The following ALDH16A1 variants were observed in gnomAD, a reference collection of about 807,000 sequenced individuals.
The protein encoded by ALDH16A1 is aldehyde dehydrogenase family 16 member A1.
A neutral mutation model predicts 96.1 loss-of-function variants in ALDH16A1; 88 were observed. The ratio of observed to expected loss-of-function variants is 0.92; its 90% confidence interval spans 0.77 to 1.09. The LOEUF (loss-of-function observed/expected upper bound fraction) is 1.09, where lower values mean the gene tolerates loss of function less well. Ranked by LOEUF, ALDH16A1 falls within the 50% of genes least tolerant of loss-of-function variation. The probability of loss-of-function intolerance (pLI) is 0.00; values close to 1 mark genes in which losing one functional copy is unlikely to be tolerated. For missense variants in ALDH16A1, 1,250 were observed against 1,112.6 expected (o/e 1.12, Z -1.76); for synonymous variants, 522 against 496.4 (o/e 1.05, Z -0.69).
At position 49,459,794 on chromosome 19, in the gene ALDH16A1, C is replaced by G. The variant is rs771193598; in HGVS notation, c.445C>G (p.His149Asp). The G allele has an allele frequency of 6.2e-7, 1 of 1,613,512 alleles. No individual in the cohort carries two copies. Among genetic ancestry groups the G allele is most frequent in the Non-Finnish European group, 8.5e-7 (1 of 1,179,924 alleles). ...VQLAQQLLHY[H>D]AIQASTQEEA... ...GCTGGCCCAGCAGCTGCTCCACTAC[C>G]ATGCAATCCAGGCATCCACCCAGGA... The change falls in exon 4 of 17, where the codon CAT becomes GAT. Residue 149 changes from histidine to aspartate, a missense_variant. Coordinates refer to ENST00000293350, the MANE Select transcript of ALDH16A1 (RefSeq NM_153329.4). The surrounding 1 kb of genome is among the most constrained non-coding windows in gnomAD (Gnocchi z 4.1).
intron 1 of ALDH16A1, among the ~76,000 whole-genome samples, chr19:49,457,551 CAAAA>C (rs56211125): frequency 1.5e-5 from 2 of 135,686 alleles, no homozygotes; most frequent in Non-Finnish European, 1.6e-5. Context: ...CTGTCTCAAA[CAAAA>C]AAAAAAAAAA....
At chr19:49,462,062 T>A in intron 7 of ALDH16A1, 26 bp downstream of exon 7, 1 of 1,521,188 alleles carries the variant, frequency 6.6e-7, no homozygotes, top group South Asian at 1.2e-5. Flanking sequence ...TCCCGTCTCC[T>A]CATACCCTGG....
Position 49,459,120 on chromosome 19 carries a change from G to C in ALDH16A1, c.320+34G>C. 6.3e-7 allele frequency: 1 copy of C among 1,592,780 alleles called. No individual in the cohort carries two copies. Among genetic ancestry groups the C allele is most frequent in the Non-Finnish European group, 8.6e-7 (1 of 1,166,642 alleles). On this transcript the variant is annotated intron_variant, in intron 3 of 16. Coordinates refer to ENST00000293350, the MANE Select transcript of ALDH16A1 (RefSeq NM_153329.4). The surrounding 1 kb of genome is among the most constrained non-coding windows in gnomAD (Gnocchi z 4.1). ...GCTGAGGTGTGGACCCCGGGAGGCG[G>C]GGAACCCCAGCATCCACTCGAGACC...
At position 49,461,575 on chromosome 19, in the gene ALDH16A1, C is replaced by T. The variant is rs539185836; in HGVS notation, c.578-44C>T. The stretch of plus-strand genomic sequence containing the variant: ...ATTCCTGGGTCTGAGGGAGGAGGGG[C>T]TGGGCCTGGACTCCTGGGCCTTTGA... On this transcript the variant is annotated intron_variant, in intron 5 of 16. Transcript: ENST00000293350. 14 of 1,436,654 alleles carry T rather than the reference C, an allele frequency of 9.7e-6. 1 individual carries two copies. Among genetic ancestry groups the T allele is most frequent in the Middle Eastern group, 2.5e-4 (1 of 4,014 alleles). The allele number at this position is 1,436,654 out of a possible 1,614,324, so 89.0% of individuals were successfully genotyped here. A position where few individuals can be genotyped will look rare whatever the true frequency, so the allele number is the denominator to read the frequency against.
intron 1 of ALDH16A1, among the ~76,000 whole-genome samples, chr19:49,455,325 A>G (rs979237608): frequency 1.3e-5 from 2 of 150,900 alleles, no homozygotes; most frequent in African/African-American, 4.9e-5. Flanking sequence ...CTGGGGCAGG[A>G]GAATCGCTTG....
rs1394215312 is a variant in ALDH16A1 at position 49,453,230 on chromosome 19, C to A, written c.-102C>A. The A allele has an allele frequency of 1.0e-6, 1 of 962,318 alleles. No individual in the cohort carries two copies. The highest frequency in any genetic ancestry group is 1.5e-6 in the Non-Finnish European group (1 of 665,940). The allele number at this position is 962,318 out of a possible 1,614,324, so 59.6% of individuals were successfully genotyped here. A position where few individuals can be genotyped will look rare whatever the true frequency, so the allele number is the denominator to read the frequency against. ...AGCCCCACCCCATTCCCATTAGCCC[C>A]GCCCCTTTGGGCTGGAACCGGAGGT... On this transcript the variant is annotated 5_prime_UTR_variant, in exon 1 of 17. Coordinates refer to ENST00000293350, the MANE Select transcript of ALDH16A1 (RefSeq NM_153329.4).
At position 49,464,667 on chromosome 19, in the gene ALDH16A1, T is replaced by C. The variant is rs146453544; in HGVS notation, c.1473T>C (p.Pro491=). ...LYEYLRPSGT[P]ARLSCLSKNL... ...AGTATCTGCGGCCCTCAGGGACCCCTGCCCGGCTGTCCTGCCTCTCCAAGA... is the reference window on the plus strand; with the variant it reads ...AGTATCTGCGGCCCTCAGGGACCCCCGCCCGGCTGTCCTGCCTCTCCAAGA... Residue 491 remains proline, a synonymous_variant, in exon 12 of 17, where the codon CCT becomes CCC. Coordinates refer to ENST00000293350, the MANE Select transcript of ALDH16A1 (RefSeq NM_153329.4). 6.8e-6 allele frequency: 11 copies of C among 1,614,050 alleles called. No homozygotes were observed. In the East Asian group the frequency reaches 1.1e-4, roughly 16 times the overall value.
rs377410260 is a variant in ALDH16A1 at position 49,459,126 on chromosome 19, C to T, written c.320+40C>T. On this transcript the variant is annotated intron_variant, in intron 3 of 16. Transcript: ENST00000293350. This position sits in a 1 kb window ranked among gnomAD's most constrained non-coding sequence, Gnocchi z 4.1. ...GTGTGGACCCCGGGAGGCGGGGAACCCCAGCATCCACTCGAGACCATGGGA... is the reference window on the plus strand; with the variant it reads ...GTGTGGACCCCGGGAGGCGGGGAACTCCAGCATCCACTCGAGACCATGGGA... The T allele has an allele frequency of 3.3e-5, 52 of 1,590,564 alleles. 1 individual carries two copies. The highest frequency in any genetic ancestry group is 2.1e-4 in the Admixed American group (12 of 58,176).
intron 4 of ALDH16A1, among the ~76,000 whole-genome samples, chr19:49,460,381 C>A (rs1568649857): frequency 6.6e-6 from 1 of 151,392 alleles, no homozygotes; most frequent in Admixed American, 6.6e-5. Context: ...GGGACTACGA[C>A]CATGCACCAC....
In ALDH16A1 at chr19:49,461,630, G is replaced by T. The variant is rs1341538519; in HGVS notation, c.589G>T (p.Val197Leu). ...CCCCACTTCCCCAGGCTGCACCGTG[G>T]TGGCCCTCGTGCCCCCGGCCTCCCC... ...CPALAVGCTV[V>L]ALVPPASPAP... is the part of the protein sequence containing the mutation. The change falls in exon 6 of 17, where the codon GTG becomes TTG. Residue 197 changes from valine (V) to leucine (L), a missense_variant. Val to Leu is a conservative substitution (Grantham distance 32). Transcript: ENST00000293350. 5 of 1,592,268 alleles carry T rather than the reference G, an allele frequency of 3.1e-6. No individual in the cohort carries two copies. The highest frequency in any genetic ancestry group is 4.3e-6 in the Non-Finnish European group (5 of 1,170,502).
At chr19:49,466,651 G>A (rs1327706535) in intron 14 of ALDH16A1, among the ~76,000 whole-genome samples, 3 of 151,956 alleles carry the variant, frequency 2.0e-5, no homozygotes, top group African/African-American at 4.8e-5. Flanking sequence ...ACGAGGTCAG[G>A]AGATCGAGAC....
Position 49,468,336 on chromosome 19 carries a change from G to A in ALDH16A1, c.1939-45G>A, listed in dbSNP as rs781184283. 1.0e-5 allele frequency: 16 copies of A among 1,574,148 alleles called. No homozygotes were observed. The highest frequency in any genetic ancestry group is 3.4e-5 in the South Asian group (3 of 88,858). ...AGGAACTGGATCTCTCATTTACTGC[G>A]GGCGGGGCTCCCCTGCCCCACACGT... On this transcript the variant is annotated intron_variant, in intron 14 of 16. Coordinates refer to ENST00000293350, the MANE Select transcript of ALDH16A1 (RefSeq NM_153329.4). This position sits in a 1 kb window ranked among gnomAD's most constrained non-coding sequence, Gnocchi z 4.4.
intron 1 of ALDH16A1, among the ~76,000 whole-genome samples, chr19:49,454,995 G>T (rs2079096299): frequency 6.7e-6 from 1 of 150,356 alleles, no homozygotes; most frequent in Admixed American, 6.6e-5. Context: ...GTGTTTGCCT[G>T]TAATCCTAGC....
chr19:49,456,247 T>C (rs557158338), intron 1 of ALDH16A1, among the ~76,000 whole-genome samples: 13 of 152,354 alleles, frequency 8.5e-5, no homozygotes, highest in African/African-American at 3.1e-4. Flanking sequence ...GTATTTTCTT[T>C]GGAGTAATTT....
rs771336085 is a variant in ALDH16A1, at chr19:49,464,476, C to G, written c.1391C>G (p.Thr464Arg). 1.2e-6 allele frequency: 2 copies of G among 1,613,028 alleles called. No individual in the cohort carries two copies. Among genetic ancestry groups the G allele is most frequent in the Non-Finnish European group, 1.7e-6 (2 of 1,179,648 alleles). Residue 464 changes from threonine to arginine, a missense_variant, in exon 11 of 17, where the codon ACA becomes AGA. Coordinates refer to ENST00000293350, the MANE Select transcript of ALDH16A1 (RefSeq NM_153329.4). ...GGCCTCAGAGACCCTTCGGTGCCCACAGGCGGCTGCAAGGAGAGTGGGTGT... is the reference window on the plus strand; with the variant it reads ...GGCCTCAGAGACCCTTCGGTGCCCAGAGGCGGCTGCAAGGAGAGTGGGTGT... ...AHGLRDPSVP[T>R]GGCKESGCSW...
chr19:49,466,466 C>T (rs1026192829), intron 14 of ALDH16A1, among the ~76,000 whole-genome samples, 183 bp downstream of exon 14: 1 of 152,228 alleles, frequency 6.6e-6, no homozygotes, highest in Non-Finnish European at 1.5e-5. Flanking sequence ...AGTGGGCACA[C>T]AACCCGCCTC....
At chr19:49,460,448 T>C (rs757269685) in intron 4 of ALDH16A1, among the ~76,000 whole-genome samples, 14 of 149,314 alleles carry the variant, frequency 9.4e-5, no homozygotes, top group African/African-American at 9.9e-5. Flanking sequence ...AGTTTCGCTC[T>C]TTGTTGCCCA....
chr19:49,461,231 G>A (rs376674253), intron 5 of ALDH16A1, among the ~76,000 whole-genome samples: 4 of 66,622 alleles, frequency 6.0e-5, no homozygotes, highest in African/African-American at 1.1e-4. Context: ...CTGGACTCCT[G>A]GGTGTGAGGG....
intron 4 of ALDH16A1, among the ~76,000 whole-genome samples, chr19:49,460,270 T>C (rs1034611069): frequency 6.6e-6 from 1 of 152,020 alleles, no homozygotes; most frequent in Non-Finnish European, 1.5e-5. Context: ...GACAGGGTCT[T>C]TCTCTGTCAC....
Sources: gnomAD v4.1 joint callset for allele counts (sites outside exome capture counted in the v4.1 genomes callset) on GRCh38, gnomAD v4.1.1 for gene constraint, Gnocchi (gnomAD v3.1) non-coding constraint, MANE v1.5 for transcripts, NCBI Gene and HGNC (gene_info 2026-07-23, HGNC 2026-07-21) for gene names.